CNTN3: variants seen among roughly 807,000 people sequenced by gnomAD.
The protein encoded by CNTN3 is contactin 3, also known as contactin-3.
In CNTN3, 60 loss-of-function variants were observed where a neutral mutation model predicts 119.1. The observed-to-expected ratio is 0.50, with a 90% CI of 0.41 to 0.62. CNTN3 has a LOEUF of 0.62. Among genes scored for constraint, CNTN3 ranks in the 20% least tolerant of loss-of-function variants. The probability of loss-of-function intolerance (pLI) is 0.00; values close to 1 mark genes in which losing one functional copy is unlikely to be tolerated. For missense variants in CNTN3, 1,101 were observed against 1,242.4 expected, an observed-to-expected ratio of 0.89 and a Z score of 1.71; for synonymous variants, 450 against 438.7, an observed-to-expected ratio of 1.03 and a Z score of -0.32.
rs992476990 is a variant in CNTN3, at chr3:74,285,348, A to C, written c.2661T>G (p.Ala887=). The change falls in exon 20 of 23, where the codon GCT becomes GCG. Residue 887 remains alanine (A), a synonymous_variant. Transcript: ENST00000263665. ...CATTAACTGTGGCGCTAAAAGGCCC[A>C]GCGCCGGCACTGTTGTAAGCCCGGA... ...TAVRAYNSAG[A]GPFSATVNVT... The C allele has an allele frequency of 1.2e-6, 2 of 1,612,590 alleles. No homozygotes were observed. Among genetic ancestry groups the C allele is most frequent in the South Asian group, 1.1e-5 (1 of 90,930 alleles).
At position 74,614,456 on chromosome 3, in the gene CNTN3, G is replaced by GCCGCCGCCA. The variant is rs1182061946; in HGVS notation, c.-155_-147dup. Among the ~76,000 whole-genome samples, 2 of 142,740 alleles carry GCCGCCGCCA rather than the reference G, an allele frequency of 1.4e-5. No individual in the cohort carries two copies. The highest frequency in any genetic ancestry group is 3.0e-5 in the Non-Finnish European group (2 of 65,600). The allele number at this position is 142,740 out of a possible 152,430, so 93.6% of individuals were successfully genotyped here. A position where few individuals can be genotyped will look rare whatever the true frequency, so the allele number is the denominator to read the frequency against. ...ACTCGCCGCCGCCGCCGCCGCCGCC[G>GCCGCCGCCA]CCGCCGCCACCGCCGCCGCCGCAGT... is the stretch of plus-strand genomic sequence containing the variant. On this transcript the variant is annotated 5_prime_UTR_variant, in exon 1 of 23. Transcript: ENST00000263665.
chr3:74,365,498 A>G, intron 9 of CNTN3, 68 bp downstream of exon 9: 3 of 1,593,690 alleles, frequency 1.9e-6, no homozygotes, highest in Non-Finnish European at 2.6e-6. Context: ...AGCATTTGCT[A>G]AACACCAAGT....
chr3:74,516,010 AG>A (rs1469447548), intron 2 of CNTN3, among the ~76,000 whole-genome samples: 3 of 152,136 alleles, frequency 2.0e-5, no homozygotes. Flanking sequence ...ACCACCAAGG[AG>A]GAACCACTTG....
chr3:74,384,712 T>C (rs1704704150), intron 5 of CNTN3, among the ~76,000 whole-genome samples: 1 of 152,198 alleles, frequency 6.6e-6, no homozygotes, highest in Non-Finnish European at 1.5e-5. Flanking sequence ...ACTTTGGCAG[T>C]TCATATTCTG....
chr3:74,511,838 A>G (rs1003269845), intron 2 of CNTN3, among the ~76,000 whole-genome samples: 2 of 152,166 alleles, frequency 1.3e-5, no homozygotes, highest in African/African-American at 2.4e-5. Flanking sequence ...GACAGAGACT[A>G]CATGGCCCAC....
intron 1 of CNTN3, among the ~76,000 whole-genome samples, 99 bp downstream of exon 1, chr3:74,614,292 G>A (rs1475910270): frequency 6.6e-6 from 1 of 152,124 alleles, no homozygotes; most frequent in Non-Finnish European, 1.5e-5. Flanking sequence ...ACAAACTTCG[G>A]GGCTGAGGAG....
At chr3:74,383,257 C>T (rs926634007) in intron 5 of CNTN3, among the ~76,000 whole-genome samples, 5 of 152,032 alleles carry the variant, frequency 3.3e-5, no homozygotes, top group Non-Finnish European at 5.9e-5. Context: ...TAGCCATATT[C>T]TTGTTATTTA....
At chr3:74,552,588 G>A (rs1232301924) in intron 1 of CNTN3, among the ~76,000 whole-genome samples, 2 of 152,110 alleles carry the variant, frequency 1.3e-5, no homozygotes, top group Non-Finnish European at 2.9e-5. Flanking sequence ...TTTTCAATCT[G>A]TAATATCTTT....
intron 4 of CNTN3, among the ~76,000 whole-genome samples, chr3:74,483,301 T>C (rs1159376216): frequency 2.0e-5 from 3 of 152,066 alleles, no homozygotes; most frequent in Admixed American, 6.6e-5. Context: ...GAAAATAGTA[T>C]GTACTTCACT....
At chr3:74,427,538 T>C (rs1038949958) in intron 4 of CNTN3, among the ~76,000 whole-genome samples, 1 of 152,198 alleles carries the variant, frequency 6.6e-6, no homozygotes, top group Non-Finnish European at 1.5e-5. Flanking sequence ...TGGAAGATTA[T>C]ATGTGCCACC....
chr3:74,291,350 A>G (rs577552158), intron 19 of CNTN3, among the ~76,000 whole-genome samples: 1 of 152,270 alleles, frequency 6.6e-6, no homozygotes, highest in East Asian at 1.9e-4. Context: ...GAATAGTGCC[A>G]CAATAAACAT....
chr3:74,490,220 C>T (rs1702937731), intron 3 of CNTN3, among the ~76,000 whole-genome samples: 1 of 152,174 alleles, frequency 6.6e-6, no homozygotes, highest in East Asian at 1.9e-4. Context: ...TAAGAGATTT[C>T]TCAGTTACTA....
chr3:74,328,813 T>C (rs1703191693), intron 13 of CNTN3, among the ~76,000 whole-genome samples: 4 of 152,238 alleles, frequency 2.6e-5, no homozygotes, highest in Admixed American at 6.5e-5. Context: ...GGAAGAGTCA[T>C]GCTTCAACGA....
At chr3:74,380,084 T>C (rs1704577595) in intron 5 of CNTN3, among the ~76,000 whole-genome samples, 1 of 152,228 alleles carries the variant, frequency 6.6e-6, no homozygotes, top group Non-Finnish European at 1.5e-5. Context: ...GCACTGGCAC[T>C]TCAGATAGAA....
At chr3:74,503,711 C>T (rs1703204465) in intron 2 of CNTN3, among the ~76,000 whole-genome samples, 1 of 152,048 alleles carries the variant, frequency 6.6e-6, no homozygotes, top group Non-Finnish European at 1.5e-5. Flanking sequence ...CAGAAGGGGG[C>T]CTTTTGCCTA....
chr3:74,538,635 T>C (rs1043512644), intron 1 of CNTN3, among the ~76,000 whole-genome samples: 1 of 152,184 alleles, frequency 6.6e-6, no homozygotes, highest in African/African-American at 2.4e-5. Flanking sequence ...TTGTTATCAT[T>C]TGAGCATTTT....
chr3:74,291,770 T>G (rs1702236809), intron 19 of CNTN3, among the ~76,000 whole-genome samples: 1 of 152,174 alleles, frequency 6.6e-6, no homozygotes. Flanking sequence ...GTCATTCCTG[T>G]GGCTCCCTTC....
chr3:74,312,323 GC>G (rs1489098930), intron 13 of CNTN3, among the ~76,000 whole-genome samples: 1 of 151,794 alleles, frequency 6.6e-6, no homozygotes, highest in Non-Finnish European at 1.5e-5. Flanking sequence ...AGGCGTGGTG[GC>G]GGGTGCCTGT....
chr3:74,570,627 T>C (rs530112746), intron 1 of CNTN3, among the ~76,000 whole-genome samples: 76 of 152,220 alleles, frequency 5.0e-4, no homozygotes, highest in South Asian at 3.9e-3. Context: ...ATAAAACTGA[T>C]TATGTTACAG....
Sources: allele counts gnomAD v4.1 joint callset (sites outside exome capture counted in the v4.1 genomes callset), GRCh38; gene constraint gnomAD v4.1.1; transcripts MANE v1.5; gene names NCBI Gene and HGNC (gene_info 2026-07-23, HGNC 2026-07-21).